The following CDH9 variants were observed in gnomAD, a reference collection of about 807,000 sequenced individuals.
CDH9 encodes the protein cadherin-9.
In CDH9, 28 loss-of-function variants were observed where a neutral mutation model predicts 70.9. The ratio of observed to expected loss-of-function variants is 0.40; its 90% CI spans 0.29 to 0.54. The LOEUF is 0.54. Ranked by LOEUF, CDH9 falls within the 20% of genes least tolerant of loss-of-function variation. The pLI is 0.59. For missense variants in CDH9, 874 were observed against 984.4 expected, an observed-to-expected ratio of 0.89 and a Z score of 1.50; for synonymous variants, 409 against 343.1, an observed-to-expected ratio of 1.19 and a Z score of -2.12.
chr5:26,975,694 AATATACAG>A (rs1310614512), intron 2 of CDH9, among the ~76,000 whole-genome samples: 3 of 152,186 alleles, frequency 2.0e-5, no homozygotes, highest in Admixed American at 2.0e-4. Flanking sequence ...CAAACAAACA[AATATACAG>A]ATAGACAAAA....
At chr5:27,012,746 T>C (rs1312545465) in intron 1 of CDH9, among the ~76,000 whole-genome samples, 8 of 152,042 alleles carry the variant, frequency 5.3e-5, no homozygotes, top group Non-Finnish European at 1.2e-4. Flanking sequence ...AAAAATATTT[T>C]CGTGTAAAAA....
chr5:26,908,646 A>G (rs1011726961), intron 3 of CDH9, among the ~76,000 whole-genome samples: 2 of 152,156 alleles, frequency 1.3e-5, no homozygotes, highest in Non-Finnish European at 2.9e-5. Context: ...TATTAGCTCT[A>G]TTAGTCGGTA....
chr5:26,993,646 G>T (rs1026396577), intron 1 of CDH9, among the ~76,000 whole-genome samples: 1 of 140,690 alleles, frequency 7.1e-6, no homozygotes, highest in African/African-American at 2.7e-5. Context: ...ATGAAAGAAG[G>T]CTGGTGGATT....
chr5:26,926,514 G>GC (rs1167405652), intron 2 of CDH9, among the ~76,000 whole-genome samples: 2 of 151,980 alleles, frequency 1.3e-5, no homozygotes, highest in African/African-American at 4.8e-5. Context: ...TGGCCATACT[G>GC]CCCAAGGTAA....
chr5:26,899,503 A>G (rs1036114932), intron 7 of CDH9, among the ~76,000 whole-genome samples: 1 of 152,174 alleles, frequency 6.6e-6, no homozygotes, highest in Non-Finnish European at 1.5e-5. Flanking sequence ...CTTTGCCGGG[A>G]CATGGATGAA....
chr5:26,930,680 G>A (rs188361930), intron 2 of CDH9, among the ~76,000 whole-genome samples: 1 of 152,000 alleles, frequency 6.6e-6, no homozygotes, highest in Non-Finnish European at 1.5e-5. Context: ...GTTATTAATT[G>A]CAAAGGTATA....
intron 7 of CDH9, among the ~76,000 whole-genome samples, chr5:26,902,189 C>T (rs555982870): frequency 1.3e-5 from 2 of 151,868 alleles, no homozygotes; most frequent in East Asian, 3.9e-4. Flanking sequence ...GTACTTGGTG[C>T]CTCAGTTTTA....
intron 3 of CDH9, among the ~76,000 whole-genome samples, chr5:26,911,844 G>A (rs867239407): frequency 1.3e-5 from 2 of 151,898 alleles, no homozygotes; most frequent in Non-Finnish European, 2.9e-5. Flanking sequence ...TATTTTAACC[G>A]AAAATGGGTT....
At chr5:27,023,879 C>G (rs1743180152) in intron 1 of CDH9, among the ~76,000 whole-genome samples, 2 of 151,662 alleles carry the variant, frequency 1.3e-5, no homozygotes, top group Non-Finnish European at 2.9e-5. Context: ...TGGTGAAACC[C>G]CATCTCTACT....
intron 2 of CDH9, among the ~76,000 whole-genome samples, chr5:26,925,420 T>C (rs1741319931): frequency 6.6e-6 from 1 of 152,174 alleles, no homozygotes; most frequent in Admixed American, 6.5e-5. Flanking sequence ...TGTAAGTTTG[T>C]TTAAGTTCTT....
chr5:26,983,558 T>C (rs530389716), intron 2 of CDH9, among the ~76,000 whole-genome samples: 3 of 152,304 alleles, frequency 2.0e-5, no homozygotes, highest in Admixed American at 2.0e-4. Context: ...CTCGCCTCAG[T>C]ATGCTGTCCT....
intron 1 of CDH9, among the ~76,000 whole-genome samples, chr5:27,018,923 C>G (rs1475121627): frequency 6.6e-6 from 1 of 151,904 alleles, no homozygotes; most frequent in African/African-American, 2.4e-5. Context: ...TTTCTTTCCT[C>G]AGGCTTTGTG....
intron 2 of CDH9, among the ~76,000 whole-genome samples, chr5:26,916,641 CTTG>C (rs770417429): frequency 5.5e-4 from 83 of 151,988 alleles, no homozygotes; most frequent in Non-Finnish European, 4.6e-4. Flanking sequence ...CTCAAAATAT[CTTG>C]TTGTTATTTA....
intron 1 of CDH9, among the ~76,000 whole-genome samples, chr5:27,009,182 A>T (rs1742915962): frequency 6.6e-6 from 1 of 152,188 alleles, no homozygotes; most frequent in Non-Finnish European, 1.5e-5. Context: ...GAAGGATTTG[A>T]TAATTTATAC....
At position 26,881,515 on chromosome 5, in the gene CDH9, C is replaced by A. The variant is rs908242179; in HGVS notation, c.1991G>T (p.Gly664Val). The A allele has an allele frequency of 1.2e-6, 2 of 1,613,764 alleles. No individual in the cohort carries two copies. The highest frequency in any genetic ancestry group is 1.7e-6 in the Non-Finnish European group (2 of 1,179,804). ...DNIVTYNDEG[G>V]GEEDTQAFDI... is the part of the protein sequence containing the mutation. ...AAAAGCTTGGGTATCTTCTTCCCCG[C>A]CGCCTTCATCGTTGTAGGTCACAAT... Residue 664 changes from glycine (G) to valine (V), a missense_variant, in exon 12 of 12, where the codon GGC (glycine) becomes GTC (valine). Physicochemically the swap from Gly to Val is moderately radical, Grantham distance 109 (BLOSUM62 -3). Transcript: ENST00000231021.
chr5:26,899,630 C>T (rs1001179759), intron 7 of CDH9, among the ~76,000 whole-genome samples: 1 of 151,842 alleles, frequency 6.6e-6, no homozygotes, highest in African/African-American at 2.4e-5. Flanking sequence ...GAGAACATCA[C>T]ACACTGGGGC....
At chr5:26,895,824 A>C (rs1173229690) in intron 7 of CDH9, among the ~76,000 whole-genome samples, 1 of 152,026 alleles carries the variant, frequency 6.6e-6, no homozygotes, top group Non-Finnish European at 1.5e-5. Context: ...ATCATAGCCT[A>C]TTTCTGCTCT....
chr5:27,007,457 A>T (rs566407399), intron 1 of CDH9, among the ~76,000 whole-genome samples: 2 of 152,218 alleles, frequency 1.3e-5, no homozygotes, highest in Non-Finnish European at 2.9e-5. Flanking sequence ...CTTATTATAA[A>T]AGTAGAGATA....
At chr5:26,989,193 C>T (rs1742539206) in intron 1 of CDH9, among the ~76,000 whole-genome samples, 1 of 151,978 alleles carries the variant, frequency 6.6e-6, no homozygotes, top group Non-Finnish European at 1.5e-5. Context: ...CAATGTCTCC[C>T]TGTTAATATA....
Sources: gnomAD v4.1 joint callset for allele counts (sites outside exome capture counted in the v4.1 genomes callset) on GRCh38, gnomAD v4.1.1 for gene constraint, MANE v1.5 for transcripts, NCBI Gene and HGNC (gene_info 2026-07-23, HGNC 2026-07-21) for gene names.